Variants in KCNH2 observed in about 807,000 individuals in gnomAD.
The protein encoded by KCNH2 is potassium voltage-gated channel subfamily H member 2.
A neutral mutation model predicts 95.9 loss-of-function variants in KCNH2; 35 were observed. That is an observed-to-expected ratio of 0.37 (90% CI 0.28 to 0.48). The LOEUF is 0.48. Ranked by LOEUF, KCNH2 falls within the 20% of genes least tolerant of loss-of-function variation. The pLI is 0.99. For missense variants in KCNH2, 1,274 were observed against 1,702.9 expected, an observed-to-expected ratio of 0.75 and a Z score of 4.43; for synonymous variants, 786 against 754.7, an observed-to-expected ratio of 1.04 and a Z score of -0.68.
At position 150,948,465 on chromosome 7, in the gene KCNH2, A is replaced by ACTTGC; in HGVS notation, c.2670_2671insGCAAG (p.Phe891AlafsTer85). The ACTTGC allele has an allele frequency of 1.3e-6, 2 of 1,593,314 alleles. No individual in the cohort carries two copies. Among genetic ancestry groups the ACTTGC allele is most frequent in the Non-Finnish European group, 1.7e-6 (2 of 1,170,854 alleles). On this transcript the variant is annotated frameshift_variant, in exon 11 of 15. Coordinates refer to ENST00000262186, the MANE Select transcript of KCNH2 (RefSeq NM_000238.4). LOFTEE classifies it high-confidence loss of function. ...TCACCCTTGTCCGTGCGCCTGCGGAAGGACAACTTGCGCTTGCGTTGCCGA... is the reference window on the plus strand; with the variant it reads ...TCACCCTTGTCCGTGCGCCTGCGGAACTTGCGGACAACTTGCGCTTGCGTTGCCGA...
intron 5 of KCNH2, among the ~76,000 whole-genome samples, chr7:150,957,089 C>T (rs750316582): frequency 3.3e-5 from 5 of 152,164 alleles, no homozygotes; most frequent in African/African-American, 4.8e-5. Flanking sequence ...TCTCCAGTCC[C>T]CTCTCCAGGA....
chr7:150,968,465 C>T (rs13221397), intron 2 of KCNH2, among the ~76,000 whole-genome samples: 2,080 of 152,312 alleles, frequency 0.014, 29 homozygotes, highest in Non-Finnish European at 0.023. Flanking sequence ...AGCACATTCC[C>T]AAGTAAGAAA....
chr7:150,946,398 C>T lies in KCNH2; in HGVS notation c.3330+479G>A, dbSNP rs1240552209. Among the ~76,000 whole-genome samples the T allele has an allele frequency of 6.6e-6, 1 of 152,186 alleles. No homozygotes were observed. Among genetic ancestry groups the T allele is most frequent in the Non-Finnish European group, 1.5e-5 (1 of 68,028 alleles). ...ACCCTGTGACAGCCACTGCCAAGGG[C>T]AAGGATGGGCAGGACGGTGAGACCA... is the stretch of plus-strand genomic sequence containing the variant. On this transcript the variant is annotated intron_variant, in intron 14 of 14. Coordinates refer to ENST00000262186, the MANE Select transcript of KCNH2 (RefSeq NM_000238.4). This position sits in a 1 kb window ranked among gnomAD's most constrained non-coding sequence, Gnocchi z 6.5.
At position 150,951,649 on chromosome 7, in the gene KCNH2, G is replaced by A. The variant is rs121912508; in HGVS notation, c.1744C>T (p.Arg582Cys). 2 of 1,614,244 alleles carry A rather than the reference G, an allele frequency of 1.2e-6. No homozygotes were observed. The highest frequency in any genetic ancestry group is 1.7e-6 in the Non-Finnish European group (2 of 1,180,046). The stretch of plus-strand genomic sequence containing the variant: ...CCCAGGTTGTGCAGCCAGCCGATGC[G>A]TGAGTCCATGTGTGGCTGCTCCATG... ...GNMEQPHMDS[R>C]IGWLHNLGDQ... is the part of the protein sequence containing the mutation. The change falls in exon 7 of 15, where the codon CGC becomes TGC. Residue 582 changes from arginine (R) to cysteine (C), a missense_variant. Coordinates refer to ENST00000262186, the MANE Select transcript of KCNH2 (RefSeq NM_000238.4).
In KCNH2 at chr7:150,952,355, A is replaced by G. The variant is rs1244390494; in HGVS notation, c.1557+70T>C. ...CTCTGTCCTCCTCGCCACCCCCTCC[A>G]CCCCACTACCTCCCACCACATTCCT... is the stretch of plus-strand genomic sequence containing the variant. On this transcript the variant is annotated intron_variant, in intron 6 of 14. Transcript: ENST00000262186. The surrounding 1 kb of genome is among the most constrained non-coding windows in gnomAD (Gnocchi z 7.3). 2.1e-6 allele frequency: 3 copies of G among 1,461,054 alleles called. No homozygotes were observed. The highest frequency in any genetic ancestry group is 2.8e-6 in the Non-Finnish European group (3 of 1,061,000). 90.5% of individuals were successfully genotyped at this position (1,461,054 alleles called of 1,614,324 possible). A position where few individuals can be genotyped will look rare whatever the true frequency, so the allele number is the denominator to read the frequency against.
intron 12 of KCNH2, 22 bp downstream of exon 12, chr7:150,947,584 G>T: frequency 6.2e-7 from 1 of 1,610,582 alleles, no homozygotes. Context: ...GTCCTCCCTC[G>T]CCCGCCCGTC....
chr7:150,957,479 C>T lies in KCNH2; in HGVS notation c.940G>A (p.Gly314Ser), dbSNP rs199473504. 8 of 1,613,720 alleles carry T rather than the reference C, an allele frequency of 5.0e-6. No homozygotes were observed. Among genetic ancestry groups the T allele is most frequent in the South Asian group, 2.2e-5 (2 of 91,038 alleles). The change falls in exon 5 of 15, where the codon GGC becomes AGC. Residue 314 changes from glycine (G) to serine (S), a missense_variant. Physicochemically the swap from Gly to Ser is moderately conservative, Grantham distance 56. Coordinates refer to ENST00000262186, the MANE Select transcript of KCNH2 (RefSeq NM_000238.4). ...STGAMHPLRSGLLNSTSDSDL... is the reference protein window; with the variant it reads ...STGAMHPLRSSLLNSTSDSDL... ...GAGTCCGAGGTGGAGTTGAGCAAGC[C>T]GCTGCGCAGTGGGTGCATGGCCCCT...
chr7:150,950,969 C>G lies in KCNH2; in HGVS notation c.2097G>C (p.Glu699Asp), dbSNP rs550680502. ...IPNPLRQRLEEYFQHAWSYTN... is the reference protein window; with the variant it reads ...IPNPLRQRLEDYFQHAWSYTN... Reference sequence around the variant, plus strand: ...TGTAGGACCAGGCGTGCTGGAAGTACTCCTCGAGGCGCTGGCGCAGGGGAT... The same window carrying G: ...TGTAGGACCAGGCGTGCTGGAAGTAGTCCTCGAGGCGCTGGCGCAGGGGAT... Residue 699 changes from glutamate to aspartate, a missense_variant, in exon 8 of 15, where the codon GAG becomes GAC. Coordinates refer to ENST00000262186, the MANE Select transcript of KCNH2 (RefSeq NM_000238.4). 3.1e-6 allele frequency: 5 copies of G among 1,614,240 alleles called. No individual in the cohort carries two copies. The South Asian group carries it at 5.5e-5, about 18-fold the overall frequency.
rs1157638570 is a variant in KCNH2 at position 150,958,087 on chromosome 7, C to T, written c.888G>A (p.Leu296=). ...DDIEAMRAGV[L]PPPPRHASTG... is the part of the protein sequence containing the mutation. ...TGCTGGCGTGGCGCGGTGGCGGGGG[C>T]AGCACCCCGGCGCGCATGGCCTCGA... is the stretch of plus-strand genomic sequence containing the variant. The change falls in exon 4 of 15, where the codon CTG becomes CTA. Residue 296 remains leucine, a synonymous_variant. Transcript: ENST00000262186. 1.6e-6 allele frequency: 2 copies of T among 1,280,634 alleles called. No individual in the cohort carries two copies. The highest frequency in any genetic ancestry group is 3.2e-5 in the East Asian group (1 of 31,632). The allele number at this position is 1,280,634 out of a possible 1,614,324, so 79.3% of individuals were successfully genotyped here.
chr7:150,947,264 A>G, intron 13 of KCNH2, 64 bp downstream of exon 13: 1 of 1,385,740 alleles, frequency 7.2e-7, no homozygotes, highest in Non-Finnish European at 9.8e-7. Context: ...TCTACCAGAC[A>G]ACACCGCCAG....
chr7:150,975,166 C>G (rs1801950435), intron 1 of KCNH2, among the ~76,000 whole-genome samples: 1 of 151,958 alleles, frequency 6.6e-6, no homozygotes, highest in African/African-American at 2.4e-5. Context: ...CCGCCTGGCC[C>G]GCGGGCGGGC....
chr7:150,974,608 G>GC, intron 2 of KCNH2, 103 bp downstream of exon 2: 1 of 879,984 alleles, frequency 1.1e-6, no homozygotes, highest in Non-Finnish European at 1.7e-6. Context: ...GCGTTCTCCA[G>GC]CCGCCCCCAC....
intron 2 of KCNH2, among the ~76,000 whole-genome samples, chr7:150,969,652 T>A (rs1401019616): frequency 6.6e-6 from 1 of 152,184 alleles, no homozygotes; most frequent in Non-Finnish European, 1.5e-5. Flanking sequence ...CAGCAAACAG[T>A]GCCGAGCTCT....
intron 5 of KCNH2, 114 bp downstream of exon 5, chr7:150,957,177 C>A: frequency 1.1e-6 from 1 of 872,162 alleles, no homozygotes; most frequent in Non-Finnish European, 1.9e-6. Context: ...CTGCCTCCCT[C>A]CAAGAGGCCC....
chr7:150,945,253 G>C lies in KCNH2; in HGVS notation c.*112C>G, dbSNP rs28763994. ...GGGCTGGGGGAGGAGCTGTGCTTTC[G>C]AGTTCCTCTCCCCTTCCACGGTCAG... On this transcript the variant is annotated 3_prime_UTR_variant, in exon 15 of 15. Coordinates refer to ENST00000262186, the MANE Select transcript of KCNH2 (RefSeq NM_000238.4). This position sits in a 1 kb window ranked among gnomAD's most constrained non-coding sequence, Gnocchi z 5.6. 2 of 1,208,396 alleles carry C rather than the reference G, an allele frequency of 1.7e-6. No homozygotes were observed. The highest frequency in any genetic ancestry group is 1.5e-5 in the South Asian group (1 of 65,324). 74.9% of individuals were successfully genotyped at this position (1,208,396 alleles called of 1,614,324 possible).
chr7:150,952,838 C>T lies in KCNH2; in HGVS notation c.1144G>A (p.Ala382Thr). The change falls in exon 6 of 15, where the codon GCC becomes ACC. Residue 382 changes from alanine to threonine, a missense_variant. This residue lies in a region of KCNH2 where 392 missense variants were observed against 429.9 expected (regional missense o/e 0.91). Coordinates refer to ENST00000262186, the MANE Select transcript of KCNH2 (RefSeq NM_000238.4). This position sits in a 1 kb window ranked among gnomAD's most constrained non-coding sequence, Gnocchi z 7.3. The part of the protein sequence containing the change: ...EKVTQVLSLG[A>T]DVLPEYKLQA... ...AGCTTGTACTCAGGCAGCACGTCGGCGCCCAGGGACAGGACCTGCACCCGG... is the reference window on the plus strand; with the variant it reads ...AGCTTGTACTCAGGCAGCACGTCGGTGCCCAGGGACAGGACCTGCACCCGG... 6.2e-7 allele frequency: 1 copy of T among 1,613,602 alleles called. No individual in the cohort carries two copies. The highest frequency in any genetic ancestry group is 8.5e-7 in the Non-Finnish European group (1 of 1,179,980).
rs987843043 is a variant in KCNH2, at chr7:150,946,677, G to A, written c.3330+200C>T. Among the ~76,000 whole-genome samples the A allele has an allele frequency of 2.6e-5, 4 of 152,168 alleles. No individual in the cohort carries two copies. The highest frequency in any genetic ancestry group is 2.1e-4 in the South Asian group (1 of 4,834). ...ACCCAGCTGTCTAGGGGCTTTGGACGGGGGACTCTCCTGCCCTACCCTGAG... is the reference window on the plus strand; with the variant it reads ...ACCCAGCTGTCTAGGGGCTTTGGACAGGGGACTCTCCTGCCCTACCCTGAG... On this transcript the variant is annotated intron_variant, in intron 14 of 14. Coordinates refer to ENST00000262186, the MANE Select transcript of KCNH2 (RefSeq NM_000238.4). The surrounding 1 kb of genome is among the most constrained non-coding windows in gnomAD (Gnocchi z 6.5).
At position 150,947,671 on chromosome 7, in the gene KCNH2, G is replaced by A. The variant is rs199473016; in HGVS notation, c.2900C>T (p.Pro967Leu). ...PFSSPRPPGE[P>L]PGGEPLMEDC... ...CTCCATCAGGGGCTCCCCACCCGGCGGCTCTCCGGGGGGCCTGGGGCTGGA... is the reference window on the plus strand; with the variant it reads ...CTCCATCAGGGGCTCCCCACCCGGCAGCTCTCCGGGGGGCCTGGGGCTGGA... The change falls in exon 12 of 15, where the codon CCG (proline) becomes CTG (leucine). Residue 967 changes from proline to leucine, a missense_variant. Around this residue, in one of 7 missense-constraint regions of KCNH2, gnomAD observed 457 missense variants for 416.1 expected, o/e 1.10. Coordinates refer to ENST00000262186, the MANE Select transcript of KCNH2 (RefSeq NM_000238.4). 111 of 1,606,312 alleles carry A rather than the reference G, an allele frequency of 6.9e-5. 1 individual carries two copies. In the African/African-American group the frequency reaches 9.2e-4, roughly 13 times the overall value.
Position 150,977,894 on chromosome 7 carries a change from T to G in KCNH2, c.20A>C (p.His7Pro). 6.3e-7 allele frequency: 1 copy of G among 1,582,142 alleles called. No homozygotes were observed. The highest frequency in any genetic ancestry group is 8.6e-7 in the Non-Finnish European group (1 of 1,163,922). Residue 7 changes from histidine to proline, a missense_variant, in exon 1 of 15, where the codon CAC (histidine) becomes CCC (proline). By Grantham distance (77) the His-to-Pro change is moderately conservative. This residue lies in a region of KCNH2 where 29 missense variants were observed against 25.2 expected (regional missense o/e 1.15). Transcript: ENST00000262186. ...CAGGAAGGTGTTCTGCGGCGCGACG[T>G]GGCCCCTCCGCACCGGCATCCTGAG... MPVRRGHVAPQNTFLDT... is the reference protein window; with the variant it reads MPVRRGPVAPQNTFLDT...
Sources: gnomAD v4.1 joint callset for allele counts (sites outside exome capture counted in the v4.1 genomes callset) on GRCh38, gnomAD v4.1.1 for gene constraint, gnomAD v4.1.1 regional missense constraint, Gnocchi (gnomAD v3.1) non-coding constraint, MANE v1.5 for transcripts, NCBI Gene and HGNC (gene_info 2026-07-23, HGNC 2026-07-21) for gene names.